The following TGDS variants were observed in gnomAD, a reference collection of about 807,000 sequenced individuals.
TGDS encodes the protein TDP-glucose 4,6-dehydratase.
TGDS carries 47 observed loss-of-function variants against 52.3 expected under a neutral mutation model. The observed-to-expected ratio is 0.90, with a 90% CI of 0.71 to 1.15. The LOEUF is 1.15. TGDS is among the 50% of genes most tolerant of loss of function. The probability of loss-of-function intolerance (pLI) is 0.00; values close to 1 mark genes in which losing one functional copy is unlikely to be tolerated. For synonymous variants in TGDS, 115 were observed against 136.9 expected, an observed-to-expected ratio of 0.84 and a Z score of 1.12; for missense variants, 375 against 418.4, an observed-to-expected ratio of 0.90 and a Z score of 0.90.
chr13:94,595,455 G>A (rs1889341846), intron 1 of TGDS, among the ~76,000 whole-genome samples: 1 of 152,174 alleles, frequency 6.6e-6, no homozygotes, highest in Non-Finnish European at 1.5e-5. Context: ...ACGCAGTTAT[G>A]GCCAACCAAG....
At position 94,582,129 on chromosome 13, in the gene TGDS, C is replaced by T. The variant is rs912079397; in HGVS notation, c.457-940G>A. 6.6e-5 allele frequency among the ~76,000 whole-genome samples: 10 copies of T among 150,658 alleles called. No homozygotes were observed. In the East Asian group the frequency reaches 1.2e-3, roughly 18 times the overall value. ...AGGAGAATTGCTTGAACCTGGGAGG[C>T]GGAGGTTGTGGCTAGTCAAGATTGA... On this transcript the variant is annotated intron_variant, in intron 5 of 11. Coordinates refer to ENST00000261296, the MANE Select transcript of TGDS (RefSeq NM_014305.4).
intron 5 of TGDS, 64 bp from the exon 6 acceptor site, chr13:94,581,253 T>C: frequency 9.2e-7 from 1 of 1,081,578 alleles, no homozygotes; most frequent in Non-Finnish European, 1.3e-6. Context: ...AATCAGAGCA[T>C]ATGTTAACAC....
At chr13:94,586,377 C>G (rs1888983072) in intron 4 of TGDS, among the ~76,000 whole-genome samples, 1 of 151,998 alleles carries the variant, frequency 6.6e-6, no homozygotes, top group African/African-American at 2.4e-5. Flanking sequence ...TAATGTCAAA[C>G]AAAATAGATT....
intron 10 of TGDS, among the ~76,000 whole-genome samples, chr13:94,577,086 G>C (rs1888629045): frequency 6.6e-6 from 1 of 150,562 alleles, no homozygotes; most frequent in Non-Finnish European, 1.5e-5. Flanking sequence ...TGGCAACAGA[G>C]CGAGATTCTG....
chr13:94,593,852 T>C lies in TGDS; in HGVS notation c.142A>G (p.Asn48Asp). 6.4e-7 allele frequency: 1 copy of C among 1,574,198 alleles called. No individual in the cohort carries two copies. Among genetic ancestry groups the C allele is most frequent in the Non-Finnish European group, 8.6e-7 (1 of 1,156,354 alleles). ...TTTATAAAACTCACCTTGTCTAGAT[T>C]TATGATCATATAGTTTGGATAATCT... ...VEDYPNYMII[N>D]LDKLDYCASL... The change falls in exon 2 of 12, where the codon AAT (asparagine) becomes GAT (aspartate). Residue 48 changes from asparagine to aspartate, a missense_variant. By Grantham distance (23) the Asn-to-Asp change is conservative. Transcript: ENST00000261296.
At position 94,576,394 on chromosome 13, in the gene TGDS, C is replaced by T; in HGVS notation, c.902G>A (p.Arg301Lys). The change falls in exon 11 of 12, where the codon AGA (arginine) becomes AAA (lysine). Residue 301 changes from arginine to lysine, a missense_variant. Physicochemically the swap from Arg to Lys is conservative, Grantham distance 26. Transcript: ENST00000261296. ...YVNDRPTNDM[R>K]YPMKSEKIHG... ...TATTTTTTCTGACTTCATTGGGTAT[C>T]TCATGTCATTGGTGGGTCTTGGAAA... 1 of 1,595,192 alleles carries T rather than the reference C, an allele frequency of 6.3e-7. No homozygotes were observed. The highest frequency in any genetic ancestry group is 2.3e-5 in the East Asian group (1 of 43,966).
At position 94,590,801 on chromosome 13, in the gene TGDS, G is replaced by A. The variant is rs113371543; in HGVS notation, c.313+52C>T. 144 of 1,389,038 alleles carry A rather than the reference G, an allele frequency of 1.0e-4. 1 individual carries two copies. The African/African-American group carries it at 1.7e-3, about 17-fold the overall frequency. 86.0% of individuals were successfully genotyped at this position (1,389,038 alleles called of 1,614,324 possible). A position where few individuals can be genotyped will look rare whatever the true frequency, so the allele number is the denominator to read the frequency against. On this transcript the variant is annotated intron_variant, in intron 4 of 11. Coordinates refer to ENST00000261296, the MANE Select transcript of TGDS (RefSeq NM_014305.4). Reference sequence around the variant, plus strand: ...TTTCAAATATAAGTATTAGGGGGGCGAGGGCGGGGAGAGAACTGCCAATCA... The same window carrying A: ...TTTCAAATATAAGTATTAGGGGGGCAAGGGCGGGGAGAGAACTGCCAATCA...
In TGDS at chr13:94,574,520, C is replaced by G. The variant is rs1888527634; in HGVS notation, c.*262G>C. 2.9e-6 allele frequency: 1 copy of G among 347,914 alleles called. No individual in the cohort carries two copies. The highest frequency in any genetic ancestry group is 5.2e-6 in the Non-Finnish European group (1 of 192,762). 21.6% of individuals were successfully genotyped at this position (347,914 alleles called of 1,614,324 possible). ...AATCAGGAGACTTCTTCCTGGCTAC[C>G]CTTAGGGAGAGTCTTCTACACCTAT... On this transcript the variant is annotated 3_prime_UTR_variant, in exon 12 of 12. Coordinates refer to ENST00000261296, the MANE Select transcript of TGDS (RefSeq NM_014305.4).
intron 4 of TGDS, among the ~76,000 whole-genome samples, chr13:94,588,143 C>T (rs1340527345): frequency 2.0e-5 from 3 of 151,630 alleles, no homozygotes; most frequent in East Asian, 1.9e-4. Flanking sequence ...TGGTGGCTCA[C>T]GCCTGTAATC....
At position 94,583,195 on chromosome 13, in the gene TGDS, C is replaced by T; in HGVS notation, c.355G>A (p.Val119Ile). 6.2e-7 allele frequency: 1 copy of T among 1,613,966 alleles called. No individual in the cohort carries two copies. The highest frequency in any genetic ancestry group is 8.5e-7 in the Non-Finnish European group (1 of 1,179,964). The change falls in exon 5 of 12, where the codon GTT becomes ATT. Residue 119 changes from valine (V) to isoleucine (I), a missense_variant. Transcript: ENST00000261296. ...VRAFEFTYVN[V>I]YGTHVLVSAA... Reference sequence around the variant, plus strand: ...CTTACCAAAACGTGAGTGCCATAAACATTAACATAGGTAAACTCAAAGGCA... The same window carrying T: ...CTTACCAAAACGTGAGTGCCATAAATATTAACATAGGTAAACTCAAAGGCA...
Position 94,574,611 on chromosome 13 carries a change from C to T in TGDS, c.*171G>A, listed in dbSNP as rs1888530923. 13 of 545,858 alleles carry T rather than the reference C, an allele frequency of 2.4e-5. No homozygotes were observed. In the South Asian group the frequency reaches 3.2e-4, roughly 13 times the overall value. 33.8% of individuals were successfully genotyped at this position (545,858 alleles called of 1,614,324 possible). The stretch of plus-strand genomic sequence containing the variant: ...TTGACATTTAAATTCTATGCCAGTA[C>T]TGAAACTCTCCCAAAGATTGAGGCA... On this transcript the variant is annotated 3_prime_UTR_variant, in exon 12 of 12. Coordinates refer to ENST00000261296, the MANE Select transcript of TGDS (RefSeq NM_014305.4).
At chr13:94,591,239 A>G (rs1413606549) in intron 3 of TGDS, among the ~76,000 whole-genome samples, 1 of 152,236 alleles carries the variant, frequency 6.6e-6, no homozygotes, top group Non-Finnish European at 1.5e-5. Context: ...CACTATATTA[A>G]TACAAAACTT....
At chr13:94,577,247 A>C in intron 10 of TGDS, 124 bp downstream of exon 10, 1 of 691,962 alleles carries the variant, frequency 1.4e-6, no homozygotes, top group Non-Finnish European at 2.3e-6. Flanking sequence ...CGATTATGAA[A>C]AAAATGTTTT....
intron 4 of TGDS, among the ~76,000 whole-genome samples, chr13:94,586,289 C>A (rs541487329): frequency 1.3e-5 from 2 of 151,942 alleles, no homozygotes; most frequent in Middle Eastern, 6.8e-3. Context: ...ACCCATAAAA[C>A]TAGAGAAAGT....
At chr13:94,581,314 C>T in intron 5 of TGDS, 125 bp from the exon 6 acceptor site, 3 of 562,064 alleles carry the variant, frequency 5.3e-6, no homozygotes, top group Non-Finnish European at 8.9e-6. Context: ...ATCCTATGTG[C>T]CTGGTGTTTT....
rs374042115 is a variant in TGDS, at chr13:94,583,553, C to T, written c.314-317G>A. Reference sequence around the variant, plus strand: ...TTAAATTAAAAAAAATTATGAATTACAGGGATAGGCTTTTTAAGATCAATC... The same window carrying T: ...TTAAATTAAAAAAAATTATGAATTATAGGGATAGGCTTTTTAAGATCAATC... On this transcript the variant is annotated intron_variant, in intron 4 of 11. Coordinates refer to ENST00000261296, the MANE Select transcript of TGDS (RefSeq NM_014305.4). Among the ~76,000 whole-genome samples, 154 of 152,058 alleles carry T rather than the reference C, an allele frequency of 1.0e-3. 2 individuals carry two copies. In the South Asian group the frequency reaches 0.029, roughly 28 times the overall value.
intron 2 of TGDS, among the ~76,000 whole-genome samples, chr13:94,592,921 C>A (rs1263001913): frequency 6.6e-6 from 1 of 152,086 alleles, no homozygotes; most frequent in Non-Finnish European, 1.5e-5. Context: ...CTTTGGGAGA[C>A]TGAGGAGGGC....
Position 94,583,174 on chromosome 13 carries a change from C to T in TGDS, c.376G>A (p.Val126Ile), listed in dbSNP as rs1282092360. Residue 126 changes from valine to isoleucine, a missense_variant, in exon 5 of 12, where the codon GTA (valine) becomes ATA (isoleucine). By Grantham distance (29) the Val-to-Ile change is conservative. Coordinates refer to ENST00000261296, the MANE Select transcript of TGDS (RefSeq NM_014305.4). ...YVNVYGTHVL[V>I]SAAHEARVEK... is the part of the protein sequence containing the mutation. ...ACTCTGGCTTCATGAGCAGCACTTA[C>T]CAAAACGTGAGTGCCATAAACATTA... The T allele has an allele frequency of 2.5e-6, 4 of 1,613,808 alleles. No homozygotes were observed. Among genetic ancestry groups the T allele is most frequent in the Admixed American group, 1.7e-5 (1 of 59,994 alleles).
At chr13:94,586,439 G>C (rs1566960674) in intron 4 of TGDS, among the ~76,000 whole-genome samples, 1 of 152,114 alleles carries the variant, frequency 6.6e-6, no homozygotes, top group Non-Finnish European at 1.5e-5. Context: ...AAGTATAAAA[G>C]GTTCAATTCA....
Sources: allele counts gnomAD v4.1 joint callset (sites outside exome capture counted in the v4.1 genomes callset), GRCh38; gene constraint gnomAD v4.1.1; transcripts MANE v1.5; gene names NCBI Gene and HGNC (gene_info 2026-07-23, HGNC 2026-07-21).